KCNIP4: variants seen among roughly 807,000 people sequenced by gnomAD.
KCNIP4 encodes Kv channel-interacting protein 4.
KCNIP4 carries 12 observed loss-of-function variants against 34.0 expected under a neutral mutation model. The observed-to-expected ratio is 0.35, with a 90% CI of 0.23 to 0.57. The LOEUF (loss-of-function observed/expected upper bound fraction) is 0.57. Ranked by LOEUF, KCNIP4 falls within the 20% of genes least tolerant of loss-of-function variation. The pLI, the probability that KCNIP4 is intolerant of heterozygous loss-of-function variation, is 0.83. For missense variants in KCNIP4, 238 were observed against 311.7 expected (o/e 0.76, Z 1.78); for synonymous variants, 124 against 102.2 (o/e 1.21, Z -1.29).
intron 1 of KCNIP4, among the ~76,000 whole-genome samples, chr4:21,741,902 T>G (rs576994182): frequency 3.9e-5 from 6 of 152,118 alleles, no homozygotes; most frequent in Non-Finnish European, 7.4e-5. Context: ...CTGGGCATGG[T>G]GACGCACGCC....
intron 1 of KCNIP4, among the ~76,000 whole-genome samples, chr4:21,619,963 T>C (rs1480640083): frequency 1.3e-5 from 2 of 152,226 alleles, no homozygotes; most frequent in African/African-American, 4.8e-5. Context: ...TCCTGTAAAA[T>C]GGGTATAGCA....
At chr4:20,946,438 A>C (rs779827723) in intron 1 of KCNIP4, among the ~76,000 whole-genome samples, 35 of 152,242 alleles carry the variant, frequency 2.3e-4, no homozygotes, top group Admixed American at 3.9e-4. Context: ...GCAGAAGACG[A>C]GTTAGCAAGG....
intron 1 of KCNIP4, chr4:21,303,955 G>T: frequency 6.3e-7 from 1 of 1,599,296 alleles, no homozygotes; most frequent in East Asian, 2.3e-5. Flanking sequence ...GTGCTCCTCT[G>T]CCTGGCTTTC....
chr4:20,845,547 TAG>T (rs1720264886), intron 3 of KCNIP4, among the ~76,000 whole-genome samples: 1 of 152,190 alleles, frequency 6.6e-6, no homozygotes, highest in African/African-American at 2.4e-5. Context: ...TCCAGGTGAA[TAG>T]ACAGTCTTGT....
intron 1 of KCNIP4, among the ~76,000 whole-genome samples, chr4:21,791,754 C>T (rs1033140518): frequency 6.6e-6 from 1 of 152,010 alleles, no homozygotes; most frequent in African/African-American, 2.4e-5. Flanking sequence ...GTAATCCCAG[C>T]ACTTTGGGAG....
intron 1 of KCNIP4, among the ~76,000 whole-genome samples, chr4:21,281,598 A>G (rs1003396297): frequency 2.0e-5 from 3 of 152,210 alleles, no homozygotes; most frequent in African/African-American, 7.2e-5. Context: ...GTCTCTTTGC[A>G]CTTAGGTACA....
At chr4:20,954,035 A>G (rs1166064761) in intron 1 of KCNIP4, among the ~76,000 whole-genome samples, 1 of 152,138 alleles carries the variant, frequency 6.6e-6, no homozygotes, top group Non-Finnish European at 1.5e-5. Context: ...AAGAATCACA[A>G]ATTAACATCC....
chr4:20,759,812 TG>T (rs1014291584), intron 3 of KCNIP4, among the ~76,000 whole-genome samples: 9 of 152,216 alleles, frequency 5.9e-5, no homozygotes, highest in African/African-American at 2.2e-4. Flanking sequence ...CCTTGAGTGG[TG>T]GAGACTGACA....
chr4:21,622,580 T>C (rs1324986600), intron 1 of KCNIP4, among the ~76,000 whole-genome samples: 1 of 152,190 alleles, frequency 6.6e-6, no homozygotes, highest in Admixed American at 6.5e-5. Context: ...TATCTGTTAA[T>C]TTAACATGTT....
At chr4:20,781,462 G>A (rs1355910842) in intron 3 of KCNIP4, among the ~76,000 whole-genome samples, 2 of 152,160 alleles carry the variant, frequency 1.3e-5, no homozygotes, top group African/African-American at 2.4e-5. Context: ...CCAAGACTGG[G>A]AAGAAAAAGA....
chr4:21,511,514 T>G (rs76099723), intron 1 of KCNIP4, among the ~76,000 whole-genome samples: 5,200 of 152,192 alleles, frequency 0.034, 258 homozygotes, highest in East Asian at 0.21. Flanking sequence ...ATTGGAAAGA[T>G]CTCCATCTTT....
At chr4:21,474,874 G>A (rs981799510) in intron 1 of KCNIP4, among the ~76,000 whole-genome samples, 10 of 151,528 alleles carry the variant, frequency 6.6e-5, no homozygotes, top group African/African-American at 1.7e-4. Flanking sequence ...GGTAGCAGGC[G>A]CCTGTAATAT....
intron 1 of KCNIP4, among the ~76,000 whole-genome samples, chr4:21,224,487 T>C (rs1409486391): frequency 6.6e-6 from 1 of 151,694 alleles, no homozygotes; most frequent in Non-Finnish European, 1.5e-5. Context: ...TTTCACCCTA[T>C]GAGTTTGGGT....
intron 1 of KCNIP4, among the ~76,000 whole-genome samples, chr4:21,803,339 G>A (rs2109256545): frequency 1.3e-5 from 2 of 152,154 alleles, no homozygotes; most frequent in Middle Eastern, 3.4e-3. Flanking sequence ...TGTCACCCAA[G>A]CTTTTATCAC....
chr4:20,813,063 G>T (rs1715967444), intron 3 of KCNIP4, among the ~76,000 whole-genome samples: 1 of 152,054 alleles, frequency 6.6e-6, no homozygotes, highest in African/African-American at 2.4e-5. Context: ...GGAAAAATTG[G>T]TCTCCATCTT....
intron 1 of KCNIP4, among the ~76,000 whole-genome samples, chr4:21,080,190 C>T (rs1451283689): frequency 6.6e-6 from 1 of 151,814 alleles, no homozygotes; most frequent in Non-Finnish European, 1.5e-5. Context: ...ACCTCTCCAA[C>T]TGCTAGCTCT....
At chr4:21,266,548 A>C (rs1761821120) in intron 1 of KCNIP4, among the ~76,000 whole-genome samples, 1 of 152,206 alleles carries the variant, frequency 6.6e-6, no homozygotes, top group African/African-American at 2.4e-5. Flanking sequence ...CAGCTCTATT[A>C]TTTACAAACT....
chr4:21,257,745 G>C (rs1761162202), intron 1 of KCNIP4, among the ~76,000 whole-genome samples: 2 of 111,382 alleles, frequency 1.8e-5, no homozygotes, highest in African/African-American at 8.6e-5. Flanking sequence ...GCAAGACTCA[G>C]TCTCAAAAAA....
intron 1 of KCNIP4, among the ~76,000 whole-genome samples, chr4:21,166,035 A>G (rs557718168): frequency 4.5e-4 from 68 of 152,266 alleles, no homozygotes; most frequent in African/African-American, 1.4e-3. Flanking sequence ...CTTACCAGAC[A>G]CTGAACCTGC....
Sources: allele counts gnomAD v4.1 joint callset (sites outside exome capture counted in the v4.1 genomes callset), GRCh38; gene constraint gnomAD v4.1.1; transcripts MANE v1.5; gene names NCBI Gene and HGNC (gene_info 2026-07-23, HGNC 2026-07-21).